The following SNX18 variants were observed in gnomAD, a reference collection of about 807,000 sequenced individuals.
The protein encoded by SNX18 is sorting nexin-18.
Under a neutral mutation model 48.7 loss-of-function variants are expected in SNX18, and 35 were observed. The ratio of observed to expected loss-of-function variants is 0.72; its 90% CI spans 0.55 to 0.95. The LOEUF is 0.95. SNX18 is among the 40% of genes least tolerant of loss of function. The pLI is 0.00. For synonymous variants in SNX18, 492 were observed against 384.7 expected, an observed-to-expected ratio of 1.28 and a Z score of -3.26; for missense variants, 824 against 871.0, an observed-to-expected ratio of 0.95 and a Z score of 0.68.
At chr5:54,596,391 G>C in the SNX18 span, among the ~76,000 whole-genome samples, 28 of 152,294 alleles carry the variant, frequency 1.8e-4, no homozygotes, top group South Asian at 4.4e-3. Flanking sequence ...AAGGGGCCTA[G>C]GAGAGGCTGA....
At chr5:54,566,531 C>T in the SNX18 span, among the ~76,000 whole-genome samples, 1 of 152,188 alleles carries the variant, frequency 6.6e-6, no homozygotes, top group Non-Finnish European at 1.5e-5. Flanking sequence ...AGATTTTTCC[C>T]CTAACAAAGA....
chr5:54,564,465 C>T, the SNX18 span, among the ~76,000 whole-genome samples: 2 of 152,098 alleles, frequency 1.3e-5, no homozygotes, highest in Non-Finnish European at 2.9e-5. Context: ...ACTGCTGTAA[C>T]AGATTAGTAT....
At chr5:54,553,500 T>A in the SNX18 span, among the ~76,000 whole-genome samples, 1 of 152,210 alleles carries the variant, frequency 6.6e-6, no homozygotes, top group East Asian at 1.9e-4. Context: ...TTTTGATCAA[T>A]AATTTCCAGT....
the SNX18 span, among the ~76,000 whole-genome samples, chr5:54,554,702 A>G: frequency 6.6e-6 from 1 of 152,230 alleles, no homozygotes; most frequent in African/African-American, 2.4e-5. Context: ...GTTAATTTTA[A>G]GTGATTATAA....
chr5:54,614,428 T>A, the SNX18 span, among the ~76,000 whole-genome samples: 1 of 152,228 alleles, frequency 6.6e-6, no homozygotes, highest in African/African-American at 2.4e-5. Context: ...CAGTGATTAG[T>A]AATCTGTAAT....
chr5:54,517,917 C>T lies in SNX18; in HGVS notation c.-36C>T. On this transcript the variant is annotated 5_prime_UTR_variant, in exon 1 of 2. Coordinates refer to ENST00000381410, the MANE Select transcript of SNX18 (RefSeq NM_001102575.2). ...CTCAGGTGGGCCTCGGCTCGGGACG[C>T]CGGGAGTCGGGACCGCCAGTCGGGG... The T allele has an allele frequency of 2.7e-6, 4 of 1,478,354 alleles. No individual in the cohort carries two copies. Among genetic ancestry groups the T allele is most frequent in the Non-Finnish European group, 3.6e-6 (4 of 1,120,142 alleles). 91.6% of individuals were successfully genotyped at this position (1,478,354 alleles called of 1,614,324 possible).
the SNX18 span, among the ~76,000 whole-genome samples, chr5:54,553,262 GA>G: frequency 6.6e-6 from 1 of 152,218 alleles, no homozygotes; most frequent in Non-Finnish European, 1.5e-5. Context: ...GGCAAAGGCA[GA>G]AGCAGAGACC....
chr5:54,524,080 C>G (rs1340509909), intron 1 of SNX18, among the ~76,000 whole-genome samples: 3 of 152,136 alleles, frequency 2.0e-5, no homozygotes, highest in Non-Finnish European at 4.4e-5. Flanking sequence ...CCTGCATTTA[C>G]CCCCAGCTGT....
At chr5:54,540,399 T>C (rs982651327) in intron 1 of SNX18, among the ~76,000 whole-genome samples, 13 of 152,102 alleles carry the variant, frequency 8.5e-5, no homozygotes, top group African/African-American at 3.1e-4. Context: ...GTATTTTTCA[T>C]AGGGATGGGG....
chr5:54,538,847 G>A (rs1480999031), intron 1 of SNX18, among the ~76,000 whole-genome samples: 2 of 152,060 alleles, frequency 1.3e-5, no homozygotes, highest in Non-Finnish European at 2.9e-5. Context: ...GTGGATCTGG[G>A]AAAAAATCAA....
At chr5:54,600,076 T>A in the SNX18 span, among the ~76,000 whole-genome samples, 32 of 152,254 alleles carry the variant, frequency 2.1e-4, no homozygotes, top group Non-Finnish European at 5.9e-5. Context: ...CTTCACAGTC[T>A]ATCCATCCAA....
Position 54,519,207 on chromosome 5 carries a change from C to G in SNX18, c.1255C>G (p.Leu419Val). ...CCTTAGCACGCCCCCCGCCGCTGCC[C>G]TTGACCTGCAGGAGGTGGAGAGCAA... ...LTLSTPPAAA[L>V]DLQEVESKID... Residue 419 changes from leucine to valine, a missense_variant, in exon 1 of 2, where the codon CTT becomes GTT. By Grantham distance (32) the Leu-to-Val change is conservative. Around this residue, in one of 3 missense-constraint regions of SNX18, gnomAD observed 443 missense variants for 503.6 expected, o/e 0.88. Coordinates refer to ENST00000381410, the MANE Select transcript of SNX18 (RefSeq NM_001102575.2). 1 of 1,614,114 alleles carries G rather than the reference C, an allele frequency of 6.2e-7. No individual in the cohort carries two copies. Among genetic ancestry groups the G allele is most frequent in the Non-Finnish European group, 8.5e-7 (1 of 1,180,008 alleles).
chr5:54,573,585 C>T, the SNX18 span, among the ~76,000 whole-genome samples: 1 of 152,276 alleles, frequency 6.6e-6, no homozygotes, highest in East Asian at 1.9e-4. Context: ...AATCAGAATA[C>T]AAGAAGTAGC....
the SNX18 span, among the ~76,000 whole-genome samples, chr5:54,608,119 A>G: frequency 6.6e-6 from 1 of 152,130 alleles, no homozygotes; most frequent in Non-Finnish European, 1.5e-5. Flanking sequence ...TAGTTGTACC[A>G]TTTTGTGTTC....
At chr5:54,565,410 C>T in the SNX18 span, among the ~76,000 whole-genome samples, 4 of 151,004 alleles carry the variant, frequency 2.6e-5, no homozygotes, top group East Asian at 1.9e-4. Context: ...CCTGTCTCTA[C>T]GAAAGAAAAA....
the SNX18 span, among the ~76,000 whole-genome samples, chr5:54,565,158 C>CTATT: frequency 6.6e-6 from 1 of 152,186 alleles, no homozygotes; most frequent in Non-Finnish European, 1.5e-5. Flanking sequence ...TCAGCAACTT[C>CTATT]TATTTCATGC....
chr5:54,609,754 G>A, the SNX18 span, among the ~76,000 whole-genome samples: 7 of 152,170 alleles, frequency 4.6e-5, no homozygotes, highest in African/African-American at 1.7e-4. Flanking sequence ...CCATGCCGTG[G>A]TGATATAGTT....
At chr5:54,592,630 G>A in the SNX18 span, among the ~76,000 whole-genome samples, 2 of 152,212 alleles carry the variant, frequency 1.3e-5, 1 homozygote, top group South Asian at 4.1e-4. Context: ...CAATTGGCTT[G>A]ACTGTAACAG....
chr5:54,519,762 G>T (rs750798298), intron 1 of SNX18, 189 bp downstream of exon 1: 2 of 1,614,166 alleles, frequency 1.2e-6, no homozygotes, highest in African/African-American at 1.3e-5. Flanking sequence ...CTTCCTCCTC[G>T]AGTATCTTGC....
Sources: gnomAD v4.1 joint callset for allele counts (sites outside exome capture counted in the v4.1 genomes callset) on GRCh38, gnomAD v4.1.1 for gene constraint, gnomAD v4.1.1 regional missense constraint, MANE v1.5 for transcripts, NCBI Gene and HGNC (gene_info 2026-07-23, HGNC 2026-07-21) for gene names.